DCDC1: variants seen among roughly 807,000 people sequenced by gnomAD.
DCDC1 encodes doublecortin domain-containing protein 1.
In DCDC1, 200 loss-of-function variants were observed where a neutral mutation model predicts 178.3. The ratio of observed to expected loss-of-function variants is 1.12; its 90% CI spans 1.00 to 1.26. The LOEUF is 1.26. Among genes scored for constraint, DCDC1 ranks in the 50% most tolerant of loss-of-function variants. DCDC1 has a pLI of 0.00. For missense variants in DCDC1, 1,983 were observed against 1,749.2 expected, an observed-to-expected ratio of 1.13 and a Z score of -2.38; for synonymous variants, 690 against 604.8, an observed-to-expected ratio of 1.14 and a Z score of -2.07.
intron 21 of DCDC1, among the ~76,000 whole-genome samples, chr11:30,949,174 C>G (rs1409772696): frequency 6.6e-6 from 1 of 152,000 alleles, no homozygotes; most frequent in East Asian, 1.9e-4. Context: ...AGCAAACAAC[C>G]CCACCAAAAA....
At chr11:31,053,699 A>G (rs1376129287) in intron 20 of DCDC1, among the ~76,000 whole-genome samples, 1 of 152,174 alleles carries the variant, frequency 6.6e-6, no homozygotes, top group Non-Finnish European at 1.5e-5. Flanking sequence ...TACACCACAT[A>G]AACAGAATTA....
intron 9 of DCDC1, among the ~76,000 whole-genome samples, chr11:31,158,941 G>A (rs181480622): frequency 2.0e-5 from 3 of 151,904 alleles, no homozygotes; most frequent in East Asian, 3.9e-4. Flanking sequence ...TGATAGGGAT[G>A]TATATCAATA....
chr11:30,893,631 C>T (rs1397144506), intron 35 of DCDC1, among the ~76,000 whole-genome samples: 3 of 152,062 alleles, frequency 2.0e-5, no homozygotes, highest in Non-Finnish European at 4.4e-5. Flanking sequence ...GACTTGGGCA[C>T]GTGCCTAAGA....
chr11:31,176,201 T>C (rs1404486768), intron 9 of DCDC1, among the ~76,000 whole-genome samples: 1 of 151,892 alleles, frequency 6.6e-6, no homozygotes, highest in East Asian at 1.9e-4. Flanking sequence ...TAGATAGATA[T>C]CACAAAAAAG....
chr11:31,228,067 C>A (rs779926412), intron 9 of DCDC1, among the ~76,000 whole-genome samples: 1 of 151,954 alleles, frequency 6.6e-6, no homozygotes, highest in Non-Finnish European at 1.5e-5. Flanking sequence ...ACAAGAATAA[C>A]AGAAGATGTG....
intron 20 of DCDC1, among the ~76,000 whole-genome samples, chr11:31,027,983 T>C (rs555360464): frequency 6.6e-6 from 1 of 151,954 alleles, no homozygotes; most frequent in Admixed American, 6.6e-5. Flanking sequence ...TTGTACCTAT[T>C]ATTACACTCA....
At chr11:31,024,178 A>G (rs959045489) in intron 20 of DCDC1, among the ~76,000 whole-genome samples, 11 of 152,046 alleles carry the variant, frequency 7.2e-5, no homozygotes. Context: ...ATAGAATATT[A>G]TAACATTTAA....
At chr11:30,944,443 G>A in intron 21 of DCDC1, 1 of 403,972 alleles carries the variant, frequency 2.5e-6, no homozygotes, top group Non-Finnish European at 5.0e-6. Context: ...TATTCTGAAT[G>A]CCACAATATG....
At chr11:31,076,675 T>C (rs936263349) in intron 18 of DCDC1, among the ~76,000 whole-genome samples, 11 of 152,200 alleles carry the variant, frequency 7.2e-5, no homozygotes, top group African/African-American at 2.4e-4. Flanking sequence ...ATGTCCTTGA[T>C]AAATTTCTCA....
chr11:31,340,988 G>T (rs1021854409), intron 1 of DCDC1, among the ~76,000 whole-genome samples: 1 of 152,236 alleles, frequency 6.6e-6, no homozygotes, highest in African/African-American at 2.4e-5. Flanking sequence ...GAGGTATCTG[G>T]CAAGCAGTTA....
chr11:31,082,692 C>T (rs1232391597), intron 17 of DCDC1, among the ~76,000 whole-genome samples: 2 of 151,718 alleles, frequency 1.3e-5, no homozygotes, highest in African/African-American at 4.8e-5. Flanking sequence ...GTGTGTAATA[C>T]ATTTACACAT....
intron 17 of DCDC1, among the ~76,000 whole-genome samples, chr11:31,083,153 T>C (rs1362444600): frequency 6.6e-6 from 1 of 152,192 alleles, no homozygotes; most frequent in Admixed American, 6.5e-5. Context: ...ACTCCATTTT[T>C]AGCAAGACCT....
At chr11:31,039,719 G>T (rs1049428328) in intron 20 of DCDC1, among the ~76,000 whole-genome samples, 1 of 152,058 alleles carries the variant, frequency 6.6e-6, no homozygotes, top group Non-Finnish European at 1.5e-5. Flanking sequence ...CAAGGATAAT[G>T]GGTATTATGC....
chr11:31,156,571 C>T (rs182165401), intron 9 of DCDC1, among the ~76,000 whole-genome samples: 19 of 152,144 alleles, frequency 1.2e-4, no homozygotes, highest in South Asian at 2.1e-4. Context: ...ATAATTAATA[C>T]AAAAAGTATT....
At chr11:30,997,429 T>C (rs972282956) in intron 20 of DCDC1, among the ~76,000 whole-genome samples, 5 of 152,012 alleles carry the variant, frequency 3.3e-5, no homozygotes, top group African/African-American at 9.7e-5. Flanking sequence ...ATATACAACA[T>C]AACCTCACTG....
At chr11:30,923,376 T>A (rs1247129652) in intron 23 of DCDC1, among the ~76,000 whole-genome samples, 1 of 150,102 alleles carries the variant, frequency 6.7e-6, no homozygotes, top group African/African-American at 2.4e-5. Context: ...GTGACAAGAT[T>A]ATGGATAATA....
At chr11:30,936,197 C>T (rs1011907181) in intron 21 of DCDC1, among the ~76,000 whole-genome samples, 4 of 152,094 alleles carry the variant, frequency 2.6e-5, no homozygotes, top group Non-Finnish European at 5.9e-5. Flanking sequence ...TATATAATTT[C>T]TTAAAAATTG....
intron 9 of DCDC1, among the ~76,000 whole-genome samples, chr11:31,149,301 G>C (rs1343940258): frequency 6.6e-6 from 1 of 152,134 alleles, no homozygotes; most frequent in Non-Finnish European, 1.5e-5. Flanking sequence ...GAACTTTTCT[G>C]TCTAGCTAGA....
chr11:30,983,413 T>C (rs1350663156), intron 20 of DCDC1, among the ~76,000 whole-genome samples: 1 of 152,204 alleles, frequency 6.6e-6, no homozygotes, highest in Non-Finnish European at 1.5e-5. Context: ...GTTTATATTG[T>C]CAGAATTATG....
Sources: allele counts gnomAD v4.1 joint callset (sites outside exome capture counted in the v4.1 genomes callset), GRCh38; gene constraint gnomAD v4.1.1; transcripts MANE v1.5; gene names NCBI Gene and HGNC (gene_info 2026-07-23, HGNC 2026-07-21).